The following SORCS2 variants were observed in gnomAD, a reference collection of about 807,000 sequenced individuals.
The protein encoded by SORCS2 is sortilin related VPS10 domain containing receptor 2, also known as VPS10 domain-containing receptor SorCS2.
SORCS2 carries 100 observed loss-of-function variants against 141.6 expected under a neutral mutation model. The observed-to-expected ratio is 0.71, with a 90% CI of 0.60 to 0.83. SORCS2 has a LOEUF of 0.83. Among genes scored for constraint, SORCS2 ranks in the 40% least tolerant of loss-of-function variants. SORCS2 has a pLI of 0.00. For missense variants in SORCS2, 1,646 were observed against 1,560.2 expected (o/e 1.05, Z -0.93); for synonymous variants, 789 against 676.9 (o/e 1.17, Z -2.57).
intron 1 of SORCS2, among the ~76,000 whole-genome samples, chr4:7,351,683 G>A (rs373498907): frequency 1.6e-4 from 22 of 139,802 alleles, no homozygotes; most frequent in East Asian, 4.6e-4. Context: ...TCTTCCATCC[G>A]TCCATCCATC....
chr4:7,348,163 G>C (rs1409039216), intron 1 of SORCS2, among the ~76,000 whole-genome samples: 1 of 152,246 alleles, frequency 6.6e-6, no homozygotes, highest in East Asian at 1.9e-4. Context: ...AGGTCATCTT[G>C]TGAATTTCTC....
rs1248063643 is a variant in SORCS2, at chr4:7,473,818, G to T, written c.549-57712G>T. Among the ~76,000 whole-genome samples the T allele has an allele frequency of 2.6e-5, 4 of 152,296 alleles. No individual in the cohort carries two copies. The East Asian group carries it at 5.8e-4, about 22-fold the overall frequency. On this transcript the variant is annotated intron_variant, in intron 2 of 26. Coordinates refer to ENST00000507866, the MANE Select transcript of SORCS2 (RefSeq NM_020777.3). ...CCGGAGGCTGGTGCAGTCACTGCTA[G>T]GCAGGATTGAAGAGGCCTGGCTCTG...
At chr4:7,485,095 G>C (rs1281063707) in intron 2 of SORCS2, among the ~76,000 whole-genome samples, 1 of 152,158 alleles carries the variant, frequency 6.6e-6, no homozygotes, top group Non-Finnish European at 1.5e-5. Flanking sequence ...CACCTGTCCT[G>C]TGCCCACACA....
intron 3 of SORCS2, among the ~76,000 whole-genome samples, chr4:7,624,203 A>C (rs986721845): frequency 6.6e-6 from 1 of 152,230 alleles, no homozygotes; most frequent in Admixed American, 6.5e-5. Flanking sequence ...CTATCACTGC[A>C]GACCCTGACT....
intron 3 of SORCS2, among the ~76,000 whole-genome samples, chr4:7,594,589 C>T (rs1417307909): frequency 6.6e-6 from 1 of 152,174 alleles, no homozygotes; most frequent in East Asian, 1.9e-4. Flanking sequence ...CTCTAGGACT[C>T]TGGGCTCAGT....
At chr4:7,351,128 C>T (rs1379151758) in intron 1 of SORCS2, among the ~76,000 whole-genome samples, 2 of 152,220 alleles carry the variant, frequency 1.3e-5, no homozygotes, top group Non-Finnish European at 2.9e-5. Flanking sequence ...CCACTTAGCC[C>T]CTCAGCCCCT....
At chr4:7,277,342 C>T (rs952315281) in intron 1 of SORCS2, among the ~76,000 whole-genome samples, 3 of 152,120 alleles carry the variant, frequency 2.0e-5, no homozygotes, top group Admixed American at 6.5e-5. Flanking sequence ...GCTCGCTGAG[C>T]GGGGGTCTCT....
At chr4:7,550,754 G>A (rs1179063654) in intron 3 of SORCS2, among the ~76,000 whole-genome samples, 1 of 152,190 alleles carries the variant, frequency 6.6e-6, no homozygotes, top group African/African-American at 2.4e-5. Context: ...TATCCTTCAC[G>A]AGGAAAATGG....
intron 12 of SORCS2, among the ~76,000 whole-genome samples, chr4:7,697,698 G>C (rs1462690934): frequency 6.6e-6 from 1 of 152,280 alleles, no homozygotes; most frequent in Admixed American, 6.5e-5. Flanking sequence ...GAGGCCAGGA[G>C]GGGGCTACGG....
At chr4:7,510,565 G>A (rs1216596787) in intron 2 of SORCS2, among the ~76,000 whole-genome samples, 3 of 151,880 alleles carry the variant, frequency 2.0e-5, no homozygotes, top group African/African-American at 7.3e-5. Context: ...GCATGTCCAG[G>A]AAATGCGACC....
At chr4:7,322,097 G>T (rs1334922561) in intron 1 of SORCS2, among the ~76,000 whole-genome samples, 1 of 152,192 alleles carries the variant, frequency 6.6e-6, no homozygotes, top group African/African-American at 2.4e-5. Flanking sequence ...GACAGGTGGG[G>T]TTTATAGCAG....
At position 7,336,535 on chromosome 4, in the gene SORCS2, A is replaced by G. The variant is rs1357104953; in HGVS notation, c.481-59753A>G. Among the ~76,000 whole-genome samples the G allele has an allele frequency of 3.8e-5, 2 of 53,152 alleles. 1 individual carries two copies. Among genetic ancestry groups the G allele is most frequent in the Non-Finnish European group, 7.6e-5 (2 of 26,372 alleles). 34.9% of individuals were successfully genotyped at this position (53,152 alleles called of 152,430 possible). On this transcript the variant is annotated intron_variant, in intron 1 of 26. Transcript: ENST00000507866. ...ACCTTGGGTGAGCCGTGCCCAGAAC[A>G]GATGGATGAAGGACTCTTGTCTCCA...
At chr4:7,684,408 G>T (rs1043184274) in intron 10 of SORCS2, among the ~76,000 whole-genome samples, 1 of 152,116 alleles carries the variant, frequency 6.6e-6, no homozygotes, top group Non-Finnish European at 1.5e-5. Flanking sequence ...CTCTTTCTAC[G>T]CTGTCCCCAA....
At position 7,535,818 on chromosome 4, in the gene SORCS2, G is replaced by A. The variant is rs546342620; in HGVS notation, c.648+4189G>A. Among the ~76,000 whole-genome samples, 12 of 152,302 alleles carry A rather than the reference G, an allele frequency of 7.9e-5. No individual in the cohort carries two copies. The East Asian group carries it at 2.1e-3, about 27-fold the overall frequency. ...TCACCTGGTGGCTGTGCCAGGCATGGGGGGCATTGCCCTGGCCCTGCTGAT... is the reference window on the plus strand; with the variant it reads ...TCACCTGGTGGCTGTGCCAGGCATGAGGGGCATTGCCCTGGCCCTGCTGAT... On this transcript the variant is annotated intron_variant, in intron 3 of 26. Transcript: ENST00000507866.
chr4:7,650,731 CCCAGCCCAGCCCAGCCCA>C (rs1721386891), intron 4 of SORCS2, among the ~76,000 whole-genome samples: 1 of 89,952 alleles, frequency 1.1e-5, no homozygotes, highest in African/African-American at 6.3e-5. Flanking sequence ...CCCCGCCCAG[CCCAGCCCAGCCCAGCCCA>C]GCCCAGCCCA....
At chr4:7,726,328 G>A (rs958810172) in intron 20 of SORCS2, among the ~76,000 whole-genome samples, 5 of 152,196 alleles carry the variant, frequency 3.3e-5, no homozygotes, top group African/African-American at 1.2e-4. Context: ...TCAAGTTCGT[G>A]CTGTGTTGGC....
chr4:7,541,666 A>G (rs1471864441), intron 3 of SORCS2, among the ~76,000 whole-genome samples: 1 of 152,208 alleles, frequency 6.6e-6, no homozygotes, highest in East Asian at 1.9e-4. Flanking sequence ...ATCTGCGGAC[A>G]TGGCTGAAAG....
intron 1 of SORCS2, among the ~76,000 whole-genome samples, chr4:7,394,033 C>T (rs1386695557): frequency 6.6e-6 from 1 of 151,850 alleles, no homozygotes; most frequent in Non-Finnish European, 1.5e-5. Flanking sequence ...TCCTGGGCGA[C>T]CTCCTTGTTT....
intron 23 of SORCS2, 25 bp downstream of exon 23, chr4:7,729,737 C>T: frequency 6.2e-7 from 1 of 1,602,736 alleles, no homozygotes; most frequent in Non-Finnish European, 8.5e-7. Flanking sequence ...CGCTGCACTC[C>T]CAGGTCCTCC....
Sources: allele counts gnomAD v4.1 joint callset (sites outside exome capture counted in the v4.1 genomes callset), GRCh38; gene constraint gnomAD v4.1.1; transcripts MANE v1.5; gene names NCBI Gene and HGNC (gene_info 2026-07-23, HGNC 2026-07-21).